GRAMD1B: variants seen among roughly 807,000 people sequenced by gnomAD.
GRAMD1B encodes GRAM domain containing 1B.
GRAMD1B carries 37 observed loss-of-function variants against 99.7 expected under a neutral mutation model. The observed-to-expected ratio is 0.37, with a 90% CI of 0.29 to 0.49. GRAMD1B has a LOEUF of 0.49. Ranked by LOEUF, GRAMD1B falls within the 20% of genes least tolerant of loss-of-function variation. The pLI is 0.98. For missense variants in GRAMD1B, 888 were observed against 1,009.2 expected, an observed-to-expected ratio of 0.88 and a Z score of 1.63; for synonymous variants, 427 against 387.6, an observed-to-expected ratio of 1.10 and a Z score of -1.19.
chr11:123,551,615 T>C (rs1293740417), intron 2 of GRAMD1B, among the ~76,000 whole-genome samples: 1 of 152,192 alleles, frequency 6.6e-6, no homozygotes, highest in Non-Finnish European at 1.5e-5. Context: ...TATGTGATTA[T>C]TTAGTCTCTT....
At chr11:123,407,341 C>T (rs1421293360) in intron 1 of GRAMD1B, among the ~76,000 whole-genome samples, 5 of 152,048 alleles carry the variant, frequency 3.3e-5, no homozygotes, top group Admixed American at 2.6e-4. Context: ...TAAAAGCTTC[C>T]GTTTTGGCTT....
intron 18 of GRAMD1B, 62 bp from the exon 19 acceptor site, chr11:123,619,045 G>T: frequency 1.1e-6 from 1 of 913,178 alleles, no homozygotes. Context: ...GGGTCTGGGA[G>T]CCCAGGACAG....
Position 123,548,325 on chromosome 11 carries a change from T to TAC in GRAMD1B, c.453-29018_453-29017dup, listed in dbSNP as rs138083511. 8.5e-3 allele frequency among the ~76,000 whole-genome samples: 734 copies of TAC among 86,756 alleles called. 11 individuals are homozygous for TAC. The highest frequency in any genetic ancestry group is 0.012 in the African/African-American group (225 of 19,562). 56.9% of individuals were successfully genotyped at this position (86,756 alleles called of 152,430 possible). On this transcript the variant is annotated intron_variant, in intron 2 of 19. Coordinates refer to ENST00000635736, the MANE Select transcript of GRAMD1B (RefSeq NM_001387025.1). The stretch of plus-strand genomic sequence containing the variant: ...ATATATATATATATATATATATATA[T>TAC]ACACACACACACACACACACACACA...
At chr11:123,609,744 G>T in intron 12 of GRAMD1B, 51 bp from the exon 13 acceptor site, 1 of 1,062,464 alleles carries the variant, frequency 9.4e-7, no homozygotes, top group Non-Finnish European at 1.4e-6. Flanking sequence ...TTGGATTGGG[G>T]AGAGGGCTCT....
At chr11:123,444,125 G>C (rs1949532981) in intron 1 of GRAMD1B, among the ~76,000 whole-genome samples, 1 of 152,106 alleles carries the variant, frequency 6.6e-6, no homozygotes, top group Non-Finnish European at 1.5e-5. Flanking sequence ...AGGTCTGGAA[G>C]GGGAAAAGTC....
intron 1 of GRAMD1B, among the ~76,000 whole-genome samples, chr11:123,450,725 T>C (rs1046859391): frequency 5.3e-5 from 8 of 152,156 alleles, no homozygotes; most frequent in African/African-American, 1.9e-4. Context: ...GGGACTTCAT[T>C]GGATTTGTGT....
At chr11:123,446,812 G>A (rs1949665667) in intron 1 of GRAMD1B, among the ~76,000 whole-genome samples, 1 of 152,050 alleles carries the variant, frequency 6.6e-6, no homozygotes, top group African/African-American at 2.4e-5. Context: ...GTGTGTGCGT[G>A]TAGTCCCAGC....
intron 1 of GRAMD1B, among the ~76,000 whole-genome samples, chr11:123,377,383 G>T (rs1237500640): frequency 6.6e-6 from 1 of 152,168 alleles, no homozygotes; most frequent in Non-Finnish European, 1.5e-5. Context: ...GGTGGATAAA[G>T]CATCAGAGCA....
In GRAMD1B at chr11:123,577,433, G is replaced by A. The variant is rs1948835829; in HGVS notation, c.519G>A (p.Ser173=). The change falls in exon 3 of 20, where the codon TCG becomes TCA. Residue 173 remains serine, a synonymous_variant. Transcript: ENST00000635736. ...CCATCCTCCGGAAGCGGTCTCGCTCGCCAACCCCGCAGAACCAGGACGGAG... is the reference window on the plus strand; with the variant it reads ...CCATCCTCCGGAAGCGGTCTCGCTCACCAACCCCGCAGAACCAGGACGGAG... ...CSPILRKRSR[S]PTPQNQDGDT... 1 of 1,601,584 alleles carries A rather than the reference G, an allele frequency of 6.2e-7. No homozygotes were observed. The highest frequency in any genetic ancestry group is 1.7e-5 in the Admixed American group (1 of 58,410).
intron 2 of GRAMD1B, among the ~76,000 whole-genome samples, chr11:123,528,553 C>G (rs1943030074): frequency 6.6e-6 from 1 of 152,122 alleles, no homozygotes. Flanking sequence ...GTTTAAGTGG[C>G]CTGCTTGAAG....
chr11:123,616,479 T>G (rs1954405465), intron 17 of GRAMD1B, among the ~76,000 whole-genome samples: 1 of 152,256 alleles, frequency 6.6e-6, no homozygotes, highest in Admixed American at 6.5e-5. Context: ...AGTTCTGTGT[T>G]TAAGCTCTTT....
chr11:123,466,754 C>T (rs1317153008), intron 1 of GRAMD1B, among the ~76,000 whole-genome samples: 2 of 152,216 alleles, frequency 1.3e-5, no homozygotes, highest in Non-Finnish European at 2.9e-5. Flanking sequence ...TTCTTACAAA[C>T]TTCAAGTTCT....
chr11:123,489,958 C>T (rs548112733), intron 2 of GRAMD1B, among the ~76,000 whole-genome samples: 2 of 152,252 alleles, frequency 1.3e-5, no homozygotes, highest in South Asian at 4.1e-4. Context: ...GGGAGGATCA[C>T]TTGAAGCTAG....
At chr11:123,614,619 T>G in intron 16 of GRAMD1B, 126 bp from the exon 17 acceptor site, 1 of 594,686 alleles carries the variant, frequency 1.7e-6, no homozygotes, top group Non-Finnish European at 3.1e-6. Flanking sequence ...CGCATATCGT[T>G]GCTGTCACAG....
intron 1 of GRAMD1B, among the ~76,000 whole-genome samples, chr11:123,444,840 T>C (rs1257358399): frequency 6.6e-6 from 1 of 152,098 alleles, no homozygotes; most frequent in Non-Finnish European, 1.5e-5. Flanking sequence ...CACCTCCCTC[T>C]CTCTTTTCCT....
In GRAMD1B at chr11:123,614,817, T is replaced by C. The variant is rs1163327613; in HGVS notation, c.2300T>C (p.Leu767Pro). 6.2e-7 allele frequency: 1 copy of C among 1,608,796 alleles called. No homozygotes were observed. The highest frequency in any genetic ancestry group is 8.5e-7 in the Non-Finnish European group (1 of 1,175,522). Residue 767 changes from leucine to proline, a missense_variant, in exon 17 of 20, where the codon CTG becomes CCG. Leu to Pro is a moderately conservative substitution (Grantham distance 98). This residue lies in a region of GRAMD1B where 232 missense variants were observed against 261.7 expected (regional missense o/e 0.89). Transcript: ENST00000635736. ...CACCTGCAGAGCGTGTCCAAGCTGCTGCTGGTTATCAGCTGTGTGTAAGGG... is the reference window on the plus strand; with the variant it reads ...CACCTGCAGAGCGTGTCCAAGCTGCCGCTGGTTATCAGCTGTGTGTAAGGG... ...GFHLQSVSKLLLVISCVLVLL... is the reference protein window; with the variant it reads ...GFHLQSVSKLPLVISCVLVLL...
At chr11:123,440,385 C>T (rs963544618) in intron 1 of GRAMD1B, among the ~76,000 whole-genome samples, 1 of 152,102 alleles carries the variant, frequency 6.6e-6, no homozygotes, top group East Asian at 1.9e-4. Context: ...TGGTGGGTGC[C>T]TGTAATCCCA....
intron 3 of GRAMD1B, among the ~76,000 whole-genome samples, chr11:123,580,901 CT>C (rs34166213): frequency 1.4e-3 from 203 of 142,448 alleles, no homozygotes; most frequent in East Asian, 3.3e-3. Context: ...TTTGACTTTC[CT>C]TTTTTTTTTT....
chr11:123,588,443 C>G (rs1334764411), intron 4 of GRAMD1B, among the ~76,000 whole-genome samples: 1 of 152,184 alleles, frequency 6.6e-6, no homozygotes, highest in Non-Finnish European at 1.5e-5. Context: ...CTGTCTCTAT[C>G]TCACCCCTTA....
Sources: gnomAD v4.1 joint callset for allele counts (sites outside exome capture counted in the v4.1 genomes callset) on GRCh38, gnomAD v4.1.1 for gene constraint, gnomAD v4.1.1 regional missense constraint, MANE v1.5 for transcripts, NCBI Gene and HGNC (gene_info 2026-07-23, HGNC 2026-07-21) for gene names.